The following ADAM23 variants were observed in gnomAD, a reference collection of about 807,000 sequenced individuals.
ADAM23 encodes the protein disintegrin and metalloproteinase domain-containing protein 23.
ADAM23 carries 33 observed loss-of-function variants against 120.1 expected under a neutral mutation model. The ratio of observed to expected loss-of-function variants is 0.27; its 90% CI spans 0.21 to 0.37. ADAM23 has a LOEUF of 0.37. ADAM23 is among the 10% of genes least tolerant of loss of function. The pLI is 1.00. For missense variants in ADAM23, 862 were observed against 1,058.2 expected, an observed-to-expected ratio of 0.81 and a Z score of 2.57; for synonymous variants, 367 against 375.2, an observed-to-expected ratio of 0.98 and a Z score of 0.25.
intron 13 of ADAM23, among the ~76,000 whole-genome samples, chr2:206,564,495 A>G (rs760153675): frequency 6.6e-6 from 1 of 152,306 alleles, no homozygotes; most frequent in African/African-American, 2.4e-5. Context: ...TTCAGTGATG[A>G]TATGTTGTGT....
At chr2:206,484,206 G>C (rs1207552983) in intron 3 of ADAM23, among the ~76,000 whole-genome samples, 1 of 152,144 alleles carries the variant, frequency 6.6e-6, no homozygotes, top group Non-Finnish European at 1.5e-5. Context: ...ACTTGCAGGT[G>C]AGGGGATGGA....
intron 15 of ADAM23, among the ~76,000 whole-genome samples, chr2:206,567,756 TAA>T (rs1458372241): frequency 6.6e-6 from 1 of 152,182 alleles, no homozygotes; most frequent in African/African-American, 2.4e-5. Context: ...CACACTGCTA[TAA>T]AGATACTACC....
rs780980040 is a variant in ADAM23 at position 206,588,107 on chromosome 2, G to C, written c.1805G>C (p.Gly602Ala). Residue 602 changes from glycine to alanine, a missense_variant, in exon 20 of 26, where the codon GGC (glycine) becomes GCC (alanine). Coordinates refer to ENST00000264377, the MANE Select transcript of ADAM23 (RefSeq NM_003812.4). Reference protein sequence around the residue: ...CNQNQGRCYNGECKTRDNQCQ... With the variant: ...CNQNQGRCYNAECKTRDNQCQ... The stretch of plus-strand genomic sequence containing the variant: ...TGTCCCCAGGGCCGCTGCTACAATG[G>C]CGAGTGCAAGACCAGAGACAACCAG... The C allele has an allele frequency of 4.3e-6, 7 of 1,613,986 alleles. 1 individual carries two copies. The African/African-American group carries it at 6.7e-5, about 15-fold the overall frequency.
intron 2 of ADAM23, among the ~76,000 whole-genome samples, chr2:206,462,889 C>T (rs1434375194): frequency 1.3e-5 from 2 of 152,038 alleles, no homozygotes; most frequent in Non-Finnish European, 2.9e-5. Flanking sequence ...AATAACATTA[C>T]CTGATTTATA....
intron 3 of ADAM23, among the ~76,000 whole-genome samples, chr2:206,526,177 CACAG>C (rs767637954): frequency 0.032 from 4,645 of 147,360 alleles, 89 homozygotes; most frequent in Non-Finnish European, 0.046. Context: ...CACACACACA[CACAG>C]ACACACACAG....
At chr2:206,555,913 A>G (rs569431438) in intron 9 of ADAM23, among the ~76,000 whole-genome samples, 2 of 152,168 alleles carry the variant, frequency 1.3e-5, no homozygotes, top group South Asian at 4.1e-4. Context: ...TGTATCTTGG[A>G]AAGTTTTCAG....
chr2:206,449,248 C>G (rs1006803360), intron 2 of ADAM23, among the ~76,000 whole-genome samples: 4 of 152,164 alleles, frequency 2.6e-5, no homozygotes, highest in African/African-American at 7.2e-5. Flanking sequence ...ACTTTGTTAT[C>G]AAGATCGATC....
intron 3 of ADAM23, among the ~76,000 whole-genome samples, chr2:206,486,355 T>G (rs1356940958): frequency 6.6e-6 from 1 of 151,802 alleles, no homozygotes; most frequent in Non-Finnish European, 1.5e-5. Flanking sequence ...TTTTTTTTAG[T>G]GTCAAACAAG....
chr2:206,477,895 A>ATATATATATATATATATATAT (rs1553548627), intron 2 of ADAM23, among the ~76,000 whole-genome samples: 54 of 102,100 alleles, frequency 5.3e-4, no homozygotes, highest in African/African-American at 1.7e-3. Context: ...AAAAAAAAAA[A>ATATATATATATATATATATAT]AAATATATAT....
At chr2:206,507,691 T>A (rs1696523837) in intron 3 of ADAM23, among the ~76,000 whole-genome samples, 2 of 152,244 alleles carry the variant, frequency 1.3e-5, no homozygotes, top group Admixed American at 6.5e-5. Flanking sequence ...TGTACTTTTC[T>A]TAATGAGATT....
At chr2:206,459,236 T>C (rs189843394) in intron 2 of ADAM23, among the ~76,000 whole-genome samples, 17 of 152,362 alleles carry the variant, frequency 1.1e-4, no homozygotes, top group African/African-American at 3.8e-4. Flanking sequence ...TCAGAACCAG[T>C]GTGATACTGA....
intron 18 of ADAM23, among the ~76,000 whole-genome samples, chr2:206,578,734 C>T (rs767113306): frequency 2.0e-5 from 3 of 151,930 alleles, no homozygotes; most frequent in Non-Finnish European, 2.9e-5. Flanking sequence ...TGAATAATGA[C>T]GTCTTTTCCT....
chr2:206,556,150 ATAT>A (rs1256308997), intron 9 of ADAM23, among the ~76,000 whole-genome samples: 1 of 152,172 alleles, frequency 6.6e-6, no homozygotes, highest in African/African-American at 2.4e-5. Context: ...AGTAATAGTA[ATAT>A]TATACCAACA....
intron 3 of ADAM23, among the ~76,000 whole-genome samples, chr2:206,495,755 C>G (rs1024010591): frequency 7.9e-5 from 12 of 152,108 alleles, no homozygotes; most frequent in Non-Finnish European, 1.6e-4. Context: ...TCAGGAAACC[C>G]ATCTCATGTG....
intron 21 of ADAM23, among the ~76,000 whole-genome samples, chr2:206,589,851 A>T (rs1698392483): frequency 6.6e-6 from 1 of 152,178 alleles, no homozygotes; most frequent in African/African-American, 2.4e-5. Flanking sequence ...TATATGGCCT[A>T]TGAGTGTAGT....
chr2:206,477,880 TA>T (rs71034456), intron 2 of ADAM23, among the ~76,000 whole-genome samples: 4,848 of 109,080 alleles, frequency 0.044, 150 homozygotes, highest in East Asian at 0.08. Context: ...AATATTCTGT[TA>T]AAAAAAAAAA....
At chr2:206,463,928 G>A (rs1695482640) in intron 2 of ADAM23, among the ~76,000 whole-genome samples, 1 of 152,160 alleles carries the variant, frequency 6.6e-6, no homozygotes, top group Admixed American at 6.5e-5. Context: ...TTTCTTTTGA[G>A]TCATCAAATG....
Position 206,567,223 on chromosome 2 carries a change from G to C in ADAM23, c.1395G>C (p.Gly465=), listed in dbSNP as rs759826610. ...SWGGCIMEET[G]VSHSRKFSKC... ...CATAGTTGATTCTTTGTTTCCTCAG[G>C]GTGTCCCATTCTCGAAAATTTTCAA... Residue 465 remains glycine, a splice_region_variant and synonymous_variant, in exon 15 of 26, where the codon GGG becomes GGC. Transcript: ENST00000264377. 6 of 1,607,534 alleles carry C rather than the reference G, an allele frequency of 3.7e-6. No homozygotes were observed. In the East Asian group the frequency reaches 6.7e-5, roughly 18 times the overall value.
intron 15 of ADAM23, among the ~76,000 whole-genome samples, chr2:206,569,932 G>A (rs1010245247): frequency 2.0e-4 from 31 of 152,136 alleles, no homozygotes; most frequent in Non-Finnish European, 2.8e-4. Context: ...GAGCATTTGG[G>A]TTGGAGTGTG....
Sources: allele counts gnomAD v4.1 joint callset (sites outside exome capture counted in the v4.1 genomes callset), GRCh38; gene constraint gnomAD v4.1.1; transcripts MANE v1.5; gene names NCBI Gene and HGNC (gene_info 2026-07-23, HGNC 2026-07-21).